The following IL23R variants were observed in gnomAD, a reference collection of about 807,000 sequenced individuals.
The protein encoded by IL23R is interleukin-23 receptor.
Under a neutral mutation model 56.9 loss-of-function variants are expected in IL23R, and 34 were observed. That is an observed-to-expected ratio of 0.60 (90% CI 0.45 to 0.80). The LOEUF (loss-of-function observed/expected upper bound fraction) is 0.80. Ranked by LOEUF, IL23R falls within the 30% of genes least tolerant of loss-of-function variation. IL23R has a pLI of 0.00. For synonymous variants in IL23R, 230 were observed against 249.2 expected, an observed-to-expected ratio of 0.92 and a Z score of 0.73; for missense variants, 635 against 730.0, an observed-to-expected ratio of 0.87 and a Z score of 1.50.
intron 2 of IL23R, among the ~76,000 whole-genome samples, chr1:67,168,940 A>T (rs1220629215): frequency 1.3e-5 from 2 of 152,012 alleles, no homozygotes; most frequent in African/African-American, 4.8e-5. Context: ...CGGGTGGATC[A>T]CCTGAGGTCA....
At chr1:67,246,778 T>C (rs917990853) in intron 9 of IL23R, among the ~76,000 whole-genome samples, 2 of 152,196 alleles carry the variant, frequency 1.3e-5, no homozygotes, top group African/African-American at 4.8e-5. Context: ...CTGAGAAGAA[T>C]GTATATTCTG....
At chr1:67,265,012 T>G in the IL23R span, among the ~76,000 whole-genome samples, 1 of 152,172 alleles carries the variant, frequency 6.6e-6, no homozygotes, top group Non-Finnish European at 1.5e-5. Flanking sequence ...GTTTAAAAAT[T>G]CAAGCAAAAC....
chr1:67,155,337 G>A (rs569802686), intron 1 of IL23R, among the ~76,000 whole-genome samples: 307 of 152,248 alleles, frequency 2.0e-3, no homozygotes, highest in Middle Eastern at 3.4e-3. Flanking sequence ...ATGTTGGCCT[G>A]TCTTGCTAGG....
chr1:67,200,285 G>A lies in IL23R; in HGVS notation c.492-452G>A, dbSNP rs530247873. 1.4e-3 allele frequency among the ~76,000 whole-genome samples: 206 copies of A among 151,958 alleles called. 1 individual carries two copies. The highest frequency in any genetic ancestry group is 4.5e-3 in the African/African-American group (186 of 41,472). ...TCTCGATCTCCTGACCTTGTGATCC[G>A]CCCGCCTCGGCCTCCCAAAGTGCTG... On this transcript the variant is annotated intron_variant, in intron 4 of 10. Coordinates refer to ENST00000347310, the MANE Select transcript of IL23R (RefSeq NM_144701.3).
chr1:67,225,352 C>A (rs993304477), intron 7 of IL23R, among the ~76,000 whole-genome samples: 1 of 152,066 alleles, frequency 6.6e-6, no homozygotes, highest in African/African-American at 2.4e-5. Context: ...AAGGAAGGGG[C>A]AGTCTGAGAT....
At chr1:67,252,435 C>T (rs1485624726) in intron 9 of IL23R, among the ~76,000 whole-genome samples, 2 of 152,150 alleles carry the variant, frequency 1.3e-5, no homozygotes, top group African/African-American at 4.8e-5. Context: ...TGGACCCAGT[C>T]CAGTTTCTGT....
At chr1:67,215,525 CCAATGT>C (rs1649775410) in intron 6 of IL23R, among the ~76,000 whole-genome samples, 1 of 152,204 alleles carries the variant, frequency 6.6e-6, no homozygotes, top group Admixed American at 6.5e-5. Context: ...ATCAGGCTTA[CCAATGT>C]CTGTTGGCTC....
intron 7 of IL23R, among the ~76,000 whole-genome samples, chr1:67,229,451 A>T (rs1283543575): frequency 6.6e-6 from 1 of 152,132 alleles, no homozygotes; most frequent in Admixed American, 6.5e-5. Flanking sequence ...AAGCTCCTAG[A>T]ACTTAGGCCT....
At chr1:67,237,973 G>T (rs1241025192) in intron 8 of IL23R, among the ~76,000 whole-genome samples, 1 of 152,156 alleles carries the variant, frequency 6.6e-6, no homozygotes, top group African/African-American at 2.4e-5. Context: ...TCTTCATGGA[G>T]CTTCTATTCT....
intron 8 of IL23R, among the ~76,000 whole-genome samples, chr1:67,239,173 G>A (rs918592648): frequency 6.6e-6 from 1 of 152,160 alleles, no homozygotes. Context: ...AGCCTGGTGG[G>A]TAATATGTGT....
At chr1:67,163,784 C>T (rs764605804), upstream of IL23R, among the ~76,000 whole-genome samples, 3 of 152,148 alleles carry the variant, frequency 2.0e-5, no homozygotes, top group Admixed American at 6.5e-5. Context: ...CACCAGAAGC[C>T]AGGCGGATGT....
intron 5 of IL23R, among the ~76,000 whole-genome samples, chr1:67,204,143 A>C (rs950712037): frequency 6.6e-6 from 1 of 151,974 alleles, no homozygotes; most frequent in African/African-American, 2.4e-5. Context: ...GGCTCACTGC[A>C]AGCTCCGCCT....
intron 9 of IL23R, among the ~76,000 whole-genome samples, chr1:67,248,708 T>A (rs1432525856): frequency 6.6e-6 from 1 of 152,134 alleles, no homozygotes; most frequent in African/African-American, 2.4e-5. Flanking sequence ...TTTTTGGAAA[T>A]TTCAGCTTTT....
At chr1:67,211,690 A>C (rs1378819556) in intron 6 of IL23R, among the ~76,000 whole-genome samples, 1 of 152,170 alleles carries the variant, frequency 6.6e-6, no homozygotes, top group East Asian at 1.9e-4. Flanking sequence ...AATAGACTAG[A>C]AAAAGTGTTT....
upstream of IL23R, among the ~76,000 whole-genome samples, chr1:67,138,692 A>G (rs1646606261): frequency 6.6e-6 from 1 of 152,200 alleles, no homozygotes; most frequent in Non-Finnish European, 1.5e-5. Flanking sequence ...CAGCAAACCC[A>G]TGGTACAGAA....
intron 1 of IL23R, among the ~76,000 whole-genome samples, chr1:67,141,633 T>G (rs1189732662): frequency 6.6e-6 from 1 of 152,016 alleles, no homozygotes; most frequent in Non-Finnish European, 1.5e-5. Flanking sequence ...GTGATGCATA[T>G]CTGCAGTCCA....
intron 6 of IL23R, among the ~76,000 whole-genome samples, chr1:67,218,725 C>A (rs1484964933): frequency 1.3e-5 from 2 of 151,086 alleles, no homozygotes; most frequent in Non-Finnish European, 3.0e-5. Flanking sequence ...GGAGACCAGC[C>A]TGGGCAATAT....
intron 10 of IL23R, 128 bp downstream of exon 10, chr1:67,256,055 TG>T: frequency 1.6e-6 from 1 of 621,688 alleles, no homozygotes; most frequent in East Asian, 2.9e-5. Flanking sequence ...TATAGACATG[TG>T]TAAAGACAAA....
chr1:67,205,503 C>T (rs1648942439), intron 5 of IL23R, among the ~76,000 whole-genome samples: 1 of 152,120 alleles, frequency 6.6e-6, no homozygotes, highest in Non-Finnish European at 1.5e-5. Flanking sequence ...TTTCATTGTT[C>T]CTTAGGGGAG....
Sources: gnomAD v4.1 joint callset for allele counts (sites outside exome capture counted in the v4.1 genomes callset) on GRCh38, gnomAD v4.1.1 for gene constraint, MANE v1.5 for transcripts, NCBI Gene and HGNC (gene_info 2026-07-23, HGNC 2026-07-21) for gene names.